Variants in DDC observed in about 807,000 individuals in gnomAD.
The protein encoded by DDC is aromatic-L-amino-acid decarboxylase.
Under a neutral mutation model 60.0 loss-of-function variants are expected in DDC, and 43 were observed. The ratio of observed to expected loss-of-function variants is 0.72; its 90% CI spans 0.56 to 0.92. DDC has a LOEUF of 0.92. DDC is among the 40% of genes least tolerant of loss of function. The pLI is 0.00. For missense variants in DDC, 573 were observed against 620.2 expected (o/e 0.92, Z 0.81); for synonymous variants, 232 against 234.6 (o/e 0.99, Z 0.10).
chr7:50,491,448 A>G lies in DDC; in HGVS notation c.944+3902T>C, dbSNP rs191839587. Among the ~76,000 whole-genome samples the G allele has an allele frequency of 2.1e-3, 324 of 152,326 alleles. 3 individuals carry two copies. Among genetic ancestry groups the G allele is most frequent in the Admixed American group, 3.9e-3 (59 of 15,300 alleles). ...CTAGAAATAAACTGTCTTAGTCACA[A>G]GAGACCAGACAAAACCCCAAGACTA... On this transcript the variant is annotated intron_variant, in intron 9 of 14. Transcript: ENST00000444124.
At chr7:50,489,297 A>G (rs2042949965) in intron 9 of DDC, among the ~76,000 whole-genome samples, 1 of 152,118 alleles carries the variant, frequency 6.6e-6, no homozygotes. Flanking sequence ...ATGAGCCACC[A>G]CACGCAGCCT....
chr7:50,528,340 C>A, intron 5 of DDC, 60 bp from the exon 6 acceptor site: 1 of 1,609,418 alleles, frequency 6.2e-7, no homozygotes, highest in Non-Finnish European at 8.5e-7. Flanking sequence ...TATTACCAGG[C>A]CCTGGATCGG....
intron 9 of DDC, among the ~76,000 whole-genome samples, chr7:50,484,790 C>A (rs868524686): frequency 1.3e-5 from 2 of 152,110 alleles, no homozygotes; most frequent in Non-Finnish European, 1.5e-5. Context: ...AGGAAAAGGA[C>A]CCTTGTGTTG....
At chr7:50,494,332 C>A (rs2043074747) in intron 9 of DDC, among the ~76,000 whole-genome samples, 1 of 152,068 alleles carries the variant, frequency 6.6e-6, no homozygotes, top group African/African-American at 2.4e-5. Flanking sequence ...ACGGTGAAAC[C>A]TCGTCTCTAC....
At chr7:50,495,221 G>T in intron 9 of DDC, 129 bp downstream of exon 9, 1 of 731,564 alleles carries the variant, frequency 1.4e-6, no homozygotes, top group Non-Finnish European at 2.5e-6. Context: ...TTCCATCAAG[G>T]GTTCAGAAAA....
intron 6 of DDC, among the ~76,000 whole-genome samples, chr7:50,510,747 C>T (rs985703239): frequency 1.2e-4 from 18 of 150,990 alleles, no homozygotes; most frequent in Admixed American, 4.0e-4. Flanking sequence ...TTTGGGAGGC[C>T]AAGGCGGGCG....
intron 1 of DDC, among the ~76,000 whole-genome samples, chr7:50,556,349 G>A (rs2045186369): frequency 6.6e-6 from 1 of 152,178 alleles, no homozygotes; most frequent in African/African-American, 2.4e-5. Flanking sequence ...CTCACATGGT[G>A]AAAGGGGTGA....
At chr7:50,506,242 C>T (rs2043391978) in intron 6 of DDC, among the ~76,000 whole-genome samples, 1 of 152,074 alleles carries the variant, frequency 6.6e-6, no homozygotes, top group Admixed American at 6.5e-5. Context: ...GTGTGAGAGC[C>T]CCACAGAGGA....
chr7:50,473,486 C>T (rs1015520618), intron 11 of DDC, among the ~76,000 whole-genome samples: 3 of 152,224 alleles, frequency 2.0e-5, no homozygotes, highest in African/African-American at 4.8e-5. Flanking sequence ...AAGGTTCATG[C>T]GTTTGTCCCC....
intron 6 of DDC, among the ~76,000 whole-genome samples, chr7:50,505,547 T>C (rs779675116): frequency 1.3e-5 from 2 of 152,230 alleles, no homozygotes; most frequent in Non-Finnish European, 2.9e-5. Flanking sequence ...ATTTCACCTA[T>C]GACTGCCTCG....
At chr7:50,471,866 G>A (rs1000569754) in intron 11 of DDC, among the ~76,000 whole-genome samples, 2 of 152,124 alleles carry the variant, frequency 1.3e-5, no homozygotes, top group Non-Finnish European at 1.5e-5. Context: ...TCAGTAAAAC[G>A]ACGCTTCCCT....
At chr7:50,519,133 TAA>T (rs34869137) in intron 6 of DDC, among the ~76,000 whole-genome samples, 1 of 151,864 alleles carries the variant, frequency 6.6e-6, no homozygotes, top group Non-Finnish European at 1.5e-5. Context: ...AACAAACATA[TAA>T]AAAAAATGCT....
chr7:50,521,804 T>TACTCTTAACATCATACTTGATGAAC lies in DDC; in HGVS notation c.714+6332_714+6333insGTTCATCAAGTATGATGTTAAGAGT, dbSNP rs1563024255. Among the ~76,000 whole-genome samples the TACTCTTAACATCATACTTGATGAAC allele has an allele frequency of 2.6e-5, 4 of 152,252 alleles. No individual in the cohort carries two copies. The East Asian group carries it at 7.7e-4, about 29-fold the overall frequency. On this transcript the variant is annotated intron_variant, in intron 6 of 14. Coordinates refer to ENST00000444124, the MANE Select transcript of DDC (RefSeq NM_001082971.2). Reference sequence around the variant, plus strand: ...TACTCTTAACATCATACTTGATGAATGAAAAACCTACTCTTAACATCATAC... The same window carrying TACTCTTAACATCATACTTGATGAAC: ...TACTCTTAACATCATACTTGATGAATACTCTTAACATCATACTTGATGAACGAAAAACCTACTCTTAACATCATAC...
intron 1 of DDC, among the ~76,000 whole-genome samples, chr7:50,549,433 A>C (rs2044909056): frequency 6.6e-6 from 1 of 152,170 alleles, no homozygotes; most frequent in Non-Finnish European, 1.5e-5. Flanking sequence ...CGGGTGGATC[A>C]CGAGGTCAGG....
chr7:50,467,221 C>A lies in DDC; in HGVS notation c.1235G>T (p.Arg412Leu). The A allele has an allele frequency of 1.9e-6, 3 of 1,613,642 alleles. No individual in the cohort carries two copies. The highest frequency in any genetic ancestry group is 8.5e-7 in the Non-Finnish European group (1 of 1,179,662). The stretch of plus-strand genomic sequence containing the variant: ...GAATAGATGTAGACAAACCTTTAGC[C>A]GAAAGCAGACAAGCCCCAGAATGAC... ...VEVILGLVCF[R>L]LKGSNKVNEA... Residue 412 changes from arginine (R) to leucine (L), a missense_variant, in exon 13 of 15, where the codon CGG becomes CTG. Arg to Leu is a moderately radical substitution (Grantham distance 102). Coordinates refer to ENST00000444124, the MANE Select transcript of DDC (RefSeq NM_001082971.2).
Position 50,539,977 on chromosome 7 carries a change from A to C in DDC, c.253T>G (p.Ser85Ala). 1 of 1,614,030 alleles carries C rather than the reference A, an allele frequency of 6.2e-7. No homozygotes were observed. The highest frequency in any genetic ancestry group is 8.5e-7 in the Non-Finnish European group (1 of 1,179,984). ...YFFAYFPTAS[S>A]YPAMLADMLC... ...ATGTCCGCAAGCATGGCCGGGTACGAGCTGGCAGTGGGGAAGTAGGCGAAG... is the reference window on the plus strand; with the variant it reads ...ATGTCCGCAAGCATGGCCGGGTACGCGCTGGCAGTGGGGAAGTAGGCGAAG... Residue 85 changes from serine to alanine, a missense_variant, in exon 3 of 15, where the codon TCG becomes GCG. By Grantham distance (99) the Ser-to-Ala change is moderately conservative. Transcript: ENST00000444124.
chr7:50,497,029 T>C (rs1340016934), intron 8 of DDC, among the ~76,000 whole-genome samples: 1 of 152,244 alleles, frequency 6.6e-6, no homozygotes, highest in African/African-American at 2.4e-5. Context: ...AGAGGAGCTC[T>C]GTTTGCTAGG....
At chr7:50,508,201 G>A (rs1264426748) in intron 6 of DDC, among the ~76,000 whole-genome samples, 1 of 152,234 alleles carries the variant, frequency 6.6e-6, no homozygotes, top group Non-Finnish European at 1.5e-5. Flanking sequence ...CTACAAGTCA[G>A]CCTGTCCTAA....
At chr7:50,536,138 T>A (rs1563036923) in intron 4 of DDC, among the ~76,000 whole-genome samples, 1 of 152,124 alleles carries the variant, frequency 6.6e-6, no homozygotes, top group Non-Finnish European at 1.5e-5. Context: ...CAGACAGAAC[T>A]CAAAGTCACC....
Sources: allele counts gnomAD v4.1 joint callset (sites outside exome capture counted in the v4.1 genomes callset), GRCh38; gene constraint gnomAD v4.1.1; transcripts MANE v1.5; gene names NCBI Gene and HGNC (gene_info 2026-07-23, HGNC 2026-07-21).